NRDC: variants seen among roughly 807,000 people sequenced by gnomAD.
NRDC encodes nardilysin convertase.
Under a neutral mutation model 147.1 loss-of-function variants are expected in NRDC, and 54 were observed. The ratio of observed to expected loss-of-function variants is 0.37; its 90% CI spans 0.29 to 0.46. The LOEUF is 0.46. Ranked by LOEUF, NRDC falls within the 20% of genes least tolerant of loss-of-function variation. NRDC has a pLI of 1.00. For synonymous variants in NRDC, 440 were observed against 482.1 expected (o/e 0.91, Z 1.14); for missense variants, 1,082 against 1,370.6 (o/e 0.79, Z 3.33).
intron 15 of NRDC, 88 bp downstream of exon 15, chr1:51,811,906 T>A (rs934783571): frequency 1.6e-5 from 13 of 802,268 alleles, no homozygotes; most frequent in Non-Finnish European, 2.6e-5. Context: ...TAAGTTTTCT[T>A]CGTTCCCATG....
At chr1:51,860,997 T>A (rs994147892) in intron 1 of NRDC, among the ~76,000 whole-genome samples, 6 of 151,398 alleles carry the variant, frequency 4.0e-5, no homozygotes, top group Non-Finnish European at 8.8e-5. Context: ...TCACCCAAGC[T>A]GGAATACAGT....
intron 4 of NRDC, among the ~76,000 whole-genome samples, chr1:51,830,768 C>T (rs1680672630): frequency 6.6e-6 from 1 of 152,150 alleles, no homozygotes; most frequent in Non-Finnish European, 1.5e-5. Context: ...ATAGAAGACG[C>T]CACCATGGTA....
chr1:51,852,550 G>GT (rs375982296), intron 1 of NRDC, among the ~76,000 whole-genome samples: 1 of 3,860 alleles, frequency 2.6e-4, no homozygotes, highest in Non-Finnish European at 4.6e-4. Flanking sequence ...TATATATATA[G>GT]TTTTAATAGT....
Position 51,836,736 on chromosome 1 carries a change from T to C in NRDC, c.631-524A>G, listed in dbSNP as rs563692321. On this transcript the variant is annotated intron_variant, in intron 2 of 30. Coordinates refer to ENST00000352171, the MANE Select transcript of NRDC (RefSeq NM_001101662.2). Reference sequence around the variant, plus strand: ...ATTTTAGGAAAACATCTAACAAAAATAGTAAGTGATAAAAAAAGATAAAAT... The same window carrying C: ...ATTTTAGGAAAACATCTAACAAAAACAGTAAGTGATAAAAAAAGATAAAAT... Among the ~76,000 whole-genome samples the C allele has an allele frequency of 3.3e-5, 5 of 152,242 alleles. No individual in the cohort carries two copies. The South Asian group carries it at 1.0e-3, about 32-fold the overall frequency.
chr1:51,854,970 G>A (rs1682160800), intron 1 of NRDC, among the ~76,000 whole-genome samples: 1 of 152,126 alleles, frequency 6.6e-6, no homozygotes, highest in Admixed American at 6.5e-5. Context: ...TTTCTGAGGG[G>A]CCTGGAGAAG....
chr1:51,798,319 A>C lies in NRDC; in HGVS notation c.2534T>G (p.Leu845Arg). The C allele has an allele frequency of 6.2e-7, 1 of 1,614,204 alleles. No individual in the cohort carries two copies. The highest frequency in any genetic ancestry group is 8.5e-7 in the Non-Finnish European group (1 of 1,179,994). Residue 845 changes from leucine (L) to arginine (R), a missense_variant, in exon 22 of 31, where the codon CTG becomes CGG. Transcript: ENST00000352171. ...GGATTTGAATTCTTTGACGAAGCTCAGCAGAGACTCAAGGGAAAGGCCGTC... is the reference window on the plus strand; with the variant it reads ...GGATTTGAATTCTTTGACGAAGCTCCGCAGAGACTCAAGGGAAAGGCCGTC... ...LMDGLSLESL[L>R]SFVKEFKSQL...
intron 1 of NRDC, among the ~76,000 whole-genome samples, chr1:51,864,443 T>C (rs1176447448): frequency 6.6e-6 from 1 of 152,202 alleles, no homozygotes; most frequent in Non-Finnish European, 1.5e-5. Context: ...TTGAACTTCA[T>C]AAAAATTTTC....
intron 18 of NRDC, among the ~76,000 whole-genome samples, chr1:51,806,400 G>GA (rs10670207): frequency 7.2e-5 from 11 of 152,036 alleles, no homozygotes; most frequent in African/African-American, 2.7e-4. Context: ...TTAACTGAAA[G>GA]AAAAAAATCT....
intron 1 of NRDC, among the ~76,000 whole-genome samples, chr1:51,870,340 A>G (rs1321708631): frequency 6.6e-6 from 1 of 152,238 alleles, no homozygotes; most frequent in African/African-American, 2.4e-5. Context: ...TGACACAATT[A>G]TAACTGACTC....
intron 1 of NRDC, among the ~76,000 whole-genome samples, chr1:51,851,975 A>G (rs945368191): frequency 6.6e-6 from 1 of 151,956 alleles, no homozygotes; most frequent in African/African-American, 2.4e-5. Context: ...TTTTCCTTCT[A>G]TGGGCAGCTT....
chr1:51,789,472 C>A, intron 30 of NRDC, 39 bp from the exon 31 acceptor site: 1 of 1,608,110 alleles, frequency 6.2e-7, no homozygotes, highest in Non-Finnish European at 8.5e-7. Flanking sequence ...AATATGCTGA[C>A]CAGATTTAGG....
chr1:51,861,480 C>T (rs1411633718), intron 1 of NRDC, among the ~76,000 whole-genome samples: 1 of 151,326 alleles, frequency 6.6e-6, no homozygotes, highest in African/African-American at 2.4e-5. Flanking sequence ...CAGGTGCATG[C>T]CATGAGGCCT....
chr1:51,845,685 T>G (rs1681524577), intron 1 of NRDC, among the ~76,000 whole-genome samples: 1 of 152,228 alleles, frequency 6.6e-6, no homozygotes, highest in Non-Finnish European at 1.5e-5. Flanking sequence ...CCCATTTCTA[T>G]TCTCTTTTAT....
At chr1:51,836,040 G>C in intron 3 of NRDC, 91 bp downstream of exon 3, 1 of 988,318 alleles carries the variant, frequency 1.0e-6, no homozygotes. Flanking sequence ...TCATACTTCT[G>C]TCAAATCACT....
At chr1:51,822,372 CAT>C (rs1680249828) in intron 7 of NRDC, among the ~76,000 whole-genome samples, 1 of 152,092 alleles carries the variant, frequency 6.6e-6, no homozygotes, top group African/African-American at 2.4e-5. Context: ...CTACATTGTA[CAT>C]AGTTTTCATC....
intron 13 of NRDC, chr1:51,814,312 C>A (rs945684739): frequency 1.8e-6 from 1 of 567,414 alleles, no homozygotes; most frequent in East Asian, 2.8e-5. Context: ...TTAAAAAATT[C>A]TCAATAGAAG....
Position 51,789,349 on chromosome 1 carries a change from G to A in NRDC, c.3343C>T (p.Leu1115=), listed in dbSNP as rs1279389842. Residue 1115 remains leucine, a synonymous_variant, in exon 31 of 31, where the codon CTG becomes TTG. Coordinates refer to ENST00000352171, the MANE Select transcript of NRDC (RefSeq NM_001101662.2). The stretch of plus-strand genomic sequence containing the variant: ...AGAGGAGAGGTTGGCAGGTAGGTCA[G>A]CTGCATCACTTCACAAGAAGAATTT... ...DSNSSCEVMQ[L]TYLPTSPLLA... is the part of the protein sequence containing the mutation. 1 of 1,614,092 alleles carries A rather than the reference G, an allele frequency of 6.2e-7. No individual in the cohort carries two copies. The highest frequency in any genetic ancestry group is 1.1e-5 in the South Asian group (1 of 91,086).
At chr1:51,815,718 C>T (rs918287760) in intron 11 of NRDC, among the ~76,000 whole-genome samples, 3 of 152,170 alleles carry the variant, frequency 2.0e-5, no homozygotes, top group African/African-American at 7.2e-5. Flanking sequence ...TCTATCCTTC[C>T]ATTCTCATAC....
chr1:51,831,302 A>T (rs1680696053), intron 4 of NRDC, among the ~76,000 whole-genome samples: 1 of 152,198 alleles, frequency 6.6e-6, no homozygotes, highest in Admixed American at 6.5e-5. Flanking sequence ...CCTTTTTCCC[A>T]ATAAAATCAG....
Sources: gnomAD v4.1 joint callset for allele counts (sites outside exome capture counted in the v4.1 genomes callset) on GRCh38, gnomAD v4.1.1 for gene constraint, MANE v1.5 for transcripts, NCBI Gene and HGNC (gene_info 2026-07-23, HGNC 2026-07-21) for gene names.